ASB4: variants seen among roughly 807,000 people sequenced by gnomAD.
ASB4 encodes ankyrin repeat and SOCS box protein 4.
ASB4 carries 35 observed loss-of-function variants against 38.6 expected under a neutral mutation model. The ratio of observed to expected loss-of-function variants is 0.91; its 90% CI spans 0.69 to 1.20. ASB4 has a LOEUF of 1.20. ASB4 is among the 50% of genes most tolerant of loss of function. ASB4 has a pLI of 0.00. For synonymous variants in ASB4, 195 were observed against 201.3 expected, an observed-to-expected ratio of 0.97 and a Z score of 0.26; for missense variants, 557 against 527.2, an observed-to-expected ratio of 1.06 and a Z score of -0.55.
intron 1 of ASB4, among the ~76,000 whole-genome samples, chr7:95,494,420 T>C (rs1157939936): frequency 1.3e-5 from 2 of 152,244 alleles, no homozygotes; most frequent in Non-Finnish European, 2.9e-5. Context: ...TTGGCTTATT[T>C]TGAGATTACA....
chr7:95,508,869 G>A (rs1268826335), intron 2 of ASB4, among the ~76,000 whole-genome samples: 1 of 152,170 alleles, frequency 6.6e-6, no homozygotes, highest in Admixed American at 6.5e-5. Flanking sequence ...TTGTTATAGT[G>A]GACACTGAAC....
chr7:95,503,800 T>C (rs1011290864), intron 2 of ASB4, among the ~76,000 whole-genome samples: 2 of 152,226 alleles, frequency 1.3e-5, no homozygotes, highest in Non-Finnish European at 2.9e-5. Flanking sequence ...ATTTGCTATT[T>C]AATGGGCTCT....
intron 1 of ASB4, 28 bp downstream of exon 1, chr7:95,486,186 AC>A: frequency 6.4e-7 from 1 of 1,569,006 alleles, no homozygotes; most frequent in Non-Finnish European, 8.7e-7. Flanking sequence ...TTATTGTAGA[AC>A]TGTTAGAAAA....
At chr7:95,475,133 C>T (rs1789964057), upstream of ASB4, among the ~76,000 whole-genome samples, 1 of 152,000 alleles carries the variant, frequency 6.6e-6, no homozygotes, top group African/African-American at 2.4e-5. Context: ...CAGGTGTGAC[C>T]CAGCAGTCTG....
At chr7:95,494,411 T>C (rs1790216854) in intron 1 of ASB4, among the ~76,000 whole-genome samples, 1 of 152,378 alleles carries the variant, frequency 6.6e-6, no homozygotes, top group South Asian at 2.1e-4. Context: ...ATCCCACTGT[T>C]GGCTTATTTT....
intron 2 of ASB4, among the ~76,000 whole-genome samples, chr7:95,501,583 A>G (rs1288546950): frequency 1.3e-5 from 2 of 152,244 alleles, no homozygotes; most frequent in Non-Finnish European, 2.9e-5. Context: ...TCATCCTGCT[A>G]TACATTAGAT....
intron 3 of ASB4, chr7:95,528,708 G>A: frequency 9.4e-7 from 1 of 1,060,150 alleles, no homozygotes; most frequent in African/African-American, 1.7e-5. Flanking sequence ...CCATGAAAGG[G>A]CCACCCGATT....
At chr7:95,471,390 T>G in the ASB4 span, among the ~76,000 whole-genome samples, 374 of 152,302 alleles carry the variant, frequency 2.5e-3, 2 homozygotes, top group Middle Eastern at 3.4e-3. Context: ...AAAATGAGGA[T>G]GATCAAGAGT....
chr7:95,549,301 A>ATTATTTTTTTTTT, the ASB4 span, among the ~76,000 whole-genome samples: 3 of 114,850 alleles, frequency 2.6e-5, no homozygotes, highest in African/African-American at 3.7e-5. Flanking sequence ...AGGAGACTCC[A>ATTATTTTTTTTTT]TTTTTTTTTT....
At chr7:95,478,926 C>T (rs551475073) in intron 1 of ASB4, among the ~76,000 whole-genome samples, 3 of 152,194 alleles carry the variant, frequency 2.0e-5, no homozygotes, top group Non-Finnish European at 4.4e-5. Flanking sequence ...GTTCTTCCAG[C>T]GCCCCCAACT....
chr7:95,506,133 A>C (rs1334830200), intron 2 of ASB4, among the ~76,000 whole-genome samples: 2 of 152,216 alleles, frequency 1.3e-5, no homozygotes, highest in Non-Finnish European at 2.9e-5. Flanking sequence ...TCCTGGCCTC[A>C]AGTGATCCTC....
chr7:95,484,964 A>G (rs1032663005), upstream of ASB4, among the ~76,000 whole-genome samples: 5 of 148,142 alleles, frequency 3.4e-5, no homozygotes, highest in Non-Finnish European at 7.4e-5. Flanking sequence ...ACATATATAT[A>G]TGTGTGTATA....
chr7:95,535,128 G>T (rs181556830), intron 3 of ASB4, among the ~76,000 whole-genome samples: 26 of 152,190 alleles, frequency 1.7e-4, no homozygotes, highest in African/African-American at 6.0e-4. Flanking sequence ...TAACCTTTCT[G>T]TCTCTGTTTT....
intron 2 of ASB4, among the ~76,000 whole-genome samples, chr7:95,511,448 C>T (rs1379743363): frequency 6.6e-6 from 1 of 152,126 alleles, no homozygotes; most frequent in African/African-American, 2.4e-5. Flanking sequence ...ACGTGCACTT[C>T]TCGCAAGCAT....
chr7:95,537,331 A>G (rs963006562), intron 4 of ASB4, among the ~76,000 whole-genome samples: 1 of 152,160 alleles, frequency 6.6e-6, no homozygotes, highest in Non-Finnish European at 1.5e-5. Context: ...GGCACTTCAC[A>G]CTTGCATATT....
chr7:95,495,847 G>C lies in ASB4; in HGVS notation c.277G>C (p.Val93Leu), dbSNP rs1055916901. 5 of 1,613,748 alleles carry C rather than the reference G, an allele frequency of 3.1e-6. No individual in the cohort carries two copies. In the Admixed American group the frequency reaches 5.0e-5, roughly 16 times the overall value. ...VLFGHVECLL[V>L]LLDHNATINC... ...GTTTGGCCATGTGGAATGTCTTCTG[G>C]TGCTACTGGACCACAATGCTACAAT... The change falls in exon 2 of 5, where the codon GTG becomes CTG. Residue 93 changes from valine to leucine, a missense_variant. Physicochemically the swap from Val to Leu is conservative, Grantham distance 32 (BLOSUM62 1). Coordinates refer to ENST00000325885, the MANE Select transcript of ASB4 (RefSeq NM_016116.3).
rs73711344 is a variant in ASB4, at chr7:95,529,998, C to A, written c.978+1695C>A. On this transcript the variant is annotated intron_variant, in intron 3 of 4. Transcript: ENST00000325885. The stretch of plus-strand genomic sequence containing the variant: ...ATTTGCTGGAGGTAGAGCAATGAAC[C>A]AAAGGCCTTCATGAAAGATACTTTC... 4.3e-3 allele frequency among the ~76,000 whole-genome samples: 645 copies of A among 149,316 alleles called. 3 individuals carry two copies. Among genetic ancestry groups the A allele is most frequent in the African/African-American group, 0.015 (611 of 40,672 alleles).
At chr7:95,481,080 TTA>T (rs1326177787), upstream of ASB4, among the ~76,000 whole-genome samples, 18 of 152,190 alleles carry the variant, frequency 1.2e-4, no homozygotes, top group Non-Finnish European at 2.1e-4. Context: ...TATAATTCAT[TTA>T]TAGTCTTTGA....
At chr7:95,474,962 G>T (rs1436190198), upstream of ASB4, among the ~76,000 whole-genome samples, 2 of 152,206 alleles carry the variant, frequency 1.3e-5, no homozygotes, top group Non-Finnish European at 2.9e-5. Flanking sequence ...AAGGAGGAGG[G>T]ATTCAGGAGA....
Sources: allele counts gnomAD v4.1 joint callset (sites outside exome capture counted in the v4.1 genomes callset), GRCh38; gene constraint gnomAD v4.1.1; transcripts MANE v1.5; gene names NCBI Gene and HGNC (gene_info 2026-07-23, HGNC 2026-07-21).